The following STPG2 variants were observed in gnomAD, a reference collection of about 807,000 sequenced individuals.
STPG2 encodes the protein sperm-tail PG-rich repeat-containing protein 2.
Under a neutral mutation model 54.2 loss-of-function variants are expected in STPG2, and 56 were observed. The observed-to-expected ratio is 1.03, with a 90% confidence interval of 0.83 to 1.29. STPG2 has a LOEUF of 1.29. STPG2 is among the 50% of genes most tolerant of loss of function. The probability of loss-of-function intolerance (pLI) is 0.00; values close to 1 mark genes in which losing one functional copy is unlikely to be tolerated. For synonymous variants in STPG2, 200 were observed against 181.8 expected (o/e 1.10, Z -0.81); for missense variants, 596 against 544.9 (o/e 1.09, Z -0.93).
chr4:98,014,279 T>C (rs1040755911), intron 5 of STPG2, among the ~76,000 whole-genome samples: 6 of 152,142 alleles, frequency 3.9e-5, no homozygotes, highest in Non-Finnish European at 7.4e-5. Context: ...GTTGTGTGGT[T>C]CTGAGTGAGT....
At chr4:97,598,913 A>C (rs189147759) in intron 10 of STPG2, among the ~76,000 whole-genome samples, 33 of 152,308 alleles carry the variant, frequency 2.2e-4, no homozygotes, top group Middle Eastern at 3.4e-3. Context: ...ACAACAACAA[A>C]AAAATGACAA....
chr4:97,859,002 A>T (rs1729421286), intron 8 of STPG2, among the ~76,000 whole-genome samples: 1 of 152,208 alleles, frequency 6.6e-6, no homozygotes. Context: ...GTACTAGTTT[A>T]CATTCCCAAC....
intron 4 of STPG2, among the ~76,000 whole-genome samples, chr4:97,448,789 G>A (rs1176987439): frequency 2.6e-5 from 4 of 151,914 alleles, no homozygotes; most frequent in Non-Finnish European, 5.9e-5. Context: ...TTGGCTTTTT[G>A]TTCTAGAGTA....
At chr4:97,972,690 A>G (rs530728818) in intron 6 of STPG2, among the ~76,000 whole-genome samples, 3 of 152,174 alleles carry the variant, frequency 2.0e-5, no homozygotes, top group Non-Finnish European at 4.4e-5. Context: ...CCACAATTCC[A>G]TGGGAGGAAC....
At chr4:97,992,839 T>G (rs1373338719) in intron 5 of STPG2, among the ~76,000 whole-genome samples, 1 of 151,836 alleles carries the variant, frequency 6.6e-6, no homozygotes, top group Admixed American at 6.6e-5. Flanking sequence ...TAAGTATTTT[T>G]TAAGCTATTG....
chr4:97,454,524 A>C (rs1729464280), intron 4 of STPG2, among the ~76,000 whole-genome samples: 1 of 95,510 alleles, frequency 1.0e-5, no homozygotes. Flanking sequence ...CGTCTCAAAA[A>C]AAAAAAAAAA....
intron 7 of STPG2, among the ~76,000 whole-genome samples, chr4:97,950,148 ATT>A (rs1478979046): frequency 6.6e-6 from 1 of 150,376 alleles, no homozygotes; most frequent in Non-Finnish European, 1.5e-5. Flanking sequence ...AATTTTTTTA[ATT>A]TCTTTATGTT....
At chr4:97,725,537 T>C (rs529765048) in intron 9 of STPG2, among the ~76,000 whole-genome samples, 5 of 151,770 alleles carry the variant, frequency 3.3e-5, no homozygotes, top group Non-Finnish European at 5.9e-5. Context: ...CTGAGAACAA[T>C]GTACTCCAGG....
intron 5 of STPG2, among the ~76,000 whole-genome samples, chr4:98,051,610 C>T (rs946899845): frequency 6.6e-6 from 1 of 152,014 alleles, no homozygotes; most frequent in African/African-American, 2.4e-5. Context: ...CTATGCTCTT[C>T]AACTTCCCAG....
intron 8 of STPG2, among the ~76,000 whole-genome samples, chr4:97,845,553 T>C (rs1201493343): frequency 6.6e-6 from 1 of 152,210 alleles, no homozygotes; most frequent in Non-Finnish European, 1.5e-5. Context: ...CATATTATTC[T>C]GGTTAATTAA....
chr4:97,768,150 G>C (rs1344037155), intron 9 of STPG2, among the ~76,000 whole-genome samples: 1 of 147,550 alleles, frequency 6.8e-6, no homozygotes, highest in Non-Finnish European at 1.5e-5. Context: ...CTGGGCAACA[G>C]AGCGAGACTC....
chr4:97,733,274 T>C (rs1724865676), intron 9 of STPG2, among the ~76,000 whole-genome samples: 1 of 152,024 alleles, frequency 6.6e-6, no homozygotes, highest in Admixed American at 6.6e-5. Flanking sequence ...AGGAATGAAA[T>C]AATGTCTTTT....
intron 5 of STPG2, among the ~76,000 whole-genome samples, chr4:98,054,933 G>GCACTTAACCCTTTACTCTC (rs1737435899): frequency 6.6e-6 from 1 of 152,050 alleles, no homozygotes; most frequent in African/African-American, 2.4e-5. Flanking sequence ...TAAGTGTATA[G>GCACTTAACCCTTTACTCTC]CACTTAACCC....
chr4:97,893,043 C>A (rs1483122838), intron 8 of STPG2: 1 of 152,144 alleles, frequency 6.6e-6, no homozygotes. Flanking sequence ...TGAAAGTCCA[C>A]AACCTTACCC....
intron 4 of STPG2, among the ~76,000 whole-genome samples, chr4:97,450,612 TC>T (rs1047617198): frequency 2.6e-4 from 40 of 152,112 alleles, no homozygotes; most frequent in African/African-American, 9.6e-4. Context: ...GACTCAAAGA[TC>T]AACACAGGCA....
chr4:98,020,365 AG>A (rs1736135983), intron 5 of STPG2, among the ~76,000 whole-genome samples: 2 of 141,894 alleles, frequency 1.4e-5, no homozygotes, highest in Non-Finnish European at 3.1e-5. Flanking sequence ...CCAGGGATGA[AG>A]CCCACTTGAT....
At chr4:98,025,366 G>A in intron 5 of STPG2, 1 of 321,982 alleles carries the variant, frequency 3.1e-6, no homozygotes, top group South Asian at 2.9e-5. Context: ...TAGTGCTGCT[G>A]GGCCTGCAGG....
At position 97,896,361 on chromosome 4, in the gene STPG2, A is replaced by C. The variant is rs561045246; in HGVS notation, c.1044+47536T>G. ...AACTGAAGCAAACATGTCAACTACC[A>C]CTTAAGGATGCCTATATAACTTAGA... is the stretch of plus-strand genomic sequence containing the variant. On this transcript the variant is annotated intron_variant, in intron 8 of 10. Coordinates refer to ENST00000295268, the MANE Select transcript of STPG2 (RefSeq NM_174952.3). 1.4e-4 allele frequency among the ~76,000 whole-genome samples: 21 copies of C among 151,906 alleles called. No individual in the cohort carries two copies. In the East Asian group the frequency reaches 2.7e-3, roughly 20 times the overall value.
At chr4:97,694,607 T>C (rs558631200) in intron 10 of STPG2, among the ~76,000 whole-genome samples, 1 of 151,180 alleles carries the variant, frequency 6.6e-6, no homozygotes, top group South Asian at 2.1e-4. Flanking sequence ...AGGAGATCGA[T>C]ATCATCCTAG....
Sources: allele counts gnomAD v4.1 joint callset (sites outside exome capture counted in the v4.1 genomes callset), GRCh38; gene constraint gnomAD v4.1.1; transcripts MANE v1.5; gene names NCBI Gene and HGNC (gene_info 2026-07-23, HGNC 2026-07-21).